The following CHCHD3 variants were observed in gnomAD, a reference collection of about 807,000 sequenced individuals.
CHCHD3 encodes MICOS complex subunit MIC19.
A neutral mutation model predicts 38.2 loss-of-function variants in CHCHD3; 20 were observed. The ratio of observed to expected loss-of-function variants is 0.52; its 90% CI spans 0.37 to 0.76. CHCHD3 has a LOEUF of 0.76. Ranked by LOEUF, CHCHD3 falls within the 30% of genes least tolerant of loss-of-function variation. The pLI is 0.00. For missense variants in CHCHD3, 245 were observed against 279.2 expected, an observed-to-expected ratio of 0.88 and a Z score of 0.87; for synonymous variants, 82 against 100.0, an observed-to-expected ratio of 0.82 and a Z score of 1.07.
At chr7:133,048,779 G>A (rs564882051) in intron 2 of CHCHD3, among the ~76,000 whole-genome samples, 43 of 152,232 alleles carry the variant, frequency 2.8e-4, no homozygotes, top group African/African-American at 7.9e-4. Flanking sequence ...CAAGCGGGCC[G>A]CAAAAGATAT....
At chr7:132,990,011 A>G (rs1812230115) in intron 3 of CHCHD3, among the ~76,000 whole-genome samples, 1 of 152,080 alleles carries the variant, frequency 6.6e-6, no homozygotes, top group South Asian at 2.1e-4. Context: ...CAACTCTACT[A>G]AAAATACAAA....
At chr7:132,795,860 A>G (rs1390601642) in intron 7 of CHCHD3, among the ~76,000 whole-genome samples, 1 of 152,230 alleles carries the variant, frequency 6.6e-6, no homozygotes, top group Non-Finnish European at 1.5e-5. Context: ...TCCTGTGAAC[A>G]TCATATTGTT....
intron 6 of CHCHD3, among the ~76,000 whole-genome samples, chr7:132,836,054 C>T (rs763428606): frequency 2.0e-5 from 3 of 152,054 alleles, no homozygotes; most frequent in Admixed American, 6.5e-5. Context: ...TTAAGCCACC[C>T]GGTCTGTGGT....
At chr7:133,050,290 C>T (rs1814116786) in intron 2 of CHCHD3, among the ~76,000 whole-genome samples, 1 of 134,352 alleles carries the variant, frequency 7.4e-6, no homozygotes, top group Non-Finnish European at 1.5e-5. Flanking sequence ...TTGCAGTGAG[C>T]CAAGATCTTG....
rs531782152 is a variant in CHCHD3, at chr7:132,885,022, G to A, written c.453+640C>T. ...ATCCTAGCACTTTGGGAGGCTGAGGGAGGCAGATGACTTGAGGCCAGGAGC... is the reference window on the plus strand; with the variant it reads ...ATCCTAGCACTTTGGGAGGCTGAGGAAGGCAGATGACTTGAGGCCAGGAGC... On this transcript the variant is annotated intron_variant, in intron 5 of 7. Transcript: ENST00000262570. 1.6e-3 allele frequency among the ~76,000 whole-genome samples: 246 copies of A among 152,240 alleles called. 1 individual carries two copies. Among genetic ancestry groups the A allele is most frequent in the African/African-American group, 5.6e-3 (233 of 41,550 alleles).
intron 3 of CHCHD3, among the ~76,000 whole-genome samples, chr7:133,015,336 A>G (rs1812998983): frequency 7.3e-6 from 1 of 137,170 alleles, no homozygotes; most frequent in Admixed American, 8.1e-5. Context: ...GAGCCAGACA[A>G]CGTCTCAAAA....
At position 133,081,860 on chromosome 7, in the gene CHCHD3, G is replaced by T. The variant is rs1228992196; in HGVS notation, c.78C>A (p.Ile26=). Residue 26 remains isoleucine (I), a synonymous_variant, in exon 1 of 8, where the codon ATC becomes ATA. Coordinates refer to ENST00000262570, the MANE Select transcript of CHCHD3 (RefSeq NM_017812.4). ...CCGCCCGTCCACGGGCACTCACCCGGATGCCCTTCACCACGGTGATGTTCT... is the reference window on the plus strand; with the variant it reads ...CCGCCCGTCCACGGGCACTCACCCGTATGCCCTTCACCACGGTGATGTTCT... ...ENENITVVKG[I]RLSENVIDRM... The T allele has an allele frequency of 1.3e-6, 2 of 1,553,506 alleles. No homozygotes were observed. Among genetic ancestry groups the T allele is most frequent in the East Asian group, 2.4e-5 (1 of 41,052 alleles).
intron 7 of CHCHD3, among the ~76,000 whole-genome samples, chr7:132,791,562 G>A (rs1806460073): frequency 6.6e-6 from 1 of 152,132 alleles, no homozygotes; most frequent in Non-Finnish European, 1.5e-5. Context: ...TGATTTTTAA[G>A]CAAAAGCTAC....
chr7:132,977,041 A>C (rs1811784861), intron 3 of CHCHD3, among the ~76,000 whole-genome samples: 1 of 152,240 alleles, frequency 6.6e-6, no homozygotes, highest in Non-Finnish European at 1.5e-5. Context: ...AATGACACTC[A>C]TACAAACCAA....
chr7:132,916,948 T>C (rs1179534818), intron 4 of CHCHD3, among the ~76,000 whole-genome samples: 1 of 152,172 alleles, frequency 6.6e-6, no homozygotes, highest in African/African-American at 2.4e-5. Context: ...GTTATACATA[T>C]AGGGTTTGGT....
intron 6 of CHCHD3, among the ~76,000 whole-genome samples, chr7:132,808,775 T>A (rs1806994358): frequency 6.6e-6 from 1 of 151,804 alleles, no homozygotes; most frequent in Non-Finnish European, 1.5e-5. Context: ...AGGGTACATG[T>A]GCACATTGTG....
chr7:133,000,345 G>T (rs1202424240), intron 3 of CHCHD3, among the ~76,000 whole-genome samples: 1 of 152,152 alleles, frequency 6.6e-6, no homozygotes, highest in Non-Finnish European at 1.5e-5. Flanking sequence ...TCTCAAGTAT[G>T]AGTAACTGAG....
chr7:132,867,461 G>C (rs1808662106), intron 5 of CHCHD3, among the ~76,000 whole-genome samples: 1 of 152,154 alleles, frequency 6.6e-6, no homozygotes, highest in Non-Finnish European at 1.5e-5. Flanking sequence ...TTAGAGAATA[G>C]TTATTCTTGA....
intron 4 of CHCHD3, among the ~76,000 whole-genome samples, chr7:132,901,263 G>T (rs547431833): frequency 6.6e-6 from 1 of 152,314 alleles, no homozygotes; most frequent in Admixed American, 6.5e-5. Flanking sequence ...ATGATAACCT[G>T]AGGCCTAAAC....
At position 133,011,873 on chromosome 7, in the gene CHCHD3, G is replaced by A. The variant is rs59488442; in HGVS notation, c.251+12673C>T. On this transcript the variant is annotated intron_variant, in intron 3 of 7. Coordinates refer to ENST00000262570, the MANE Select transcript of CHCHD3 (RefSeq NM_017812.4). ...TTACAGTTAATATTCTTTCTGTTACGAAGAAACACTGACATTTACTTATTT... is the reference window on the plus strand; with the variant it reads ...TTACAGTTAATATTCTTTCTGTTACAAAGAAACACTGACATTTACTTATTT... 7.0e-3 allele frequency among the ~76,000 whole-genome samples: 1,058 copies of A among 152,196 alleles called. 14 individuals carry two copies. The highest frequency in any genetic ancestry group is 0.024 in the African/African-American group (995 of 41,510).
chr7:133,000,658 T>G (rs1812546572), intron 3 of CHCHD3, among the ~76,000 whole-genome samples: 1 of 152,220 alleles, frequency 6.6e-6, no homozygotes, highest in African/African-American at 2.4e-5. Flanking sequence ...TAATGCAGAC[T>G]ACATCTAGAA....
intron 4 of CHCHD3, among the ~76,000 whole-genome samples, chr7:132,904,776 A>G (rs1809755376): frequency 6.6e-6 from 1 of 152,212 alleles, no homozygotes; most frequent in African/African-American, 2.4e-5. Context: ...ATCCTACTAT[A>G]AAGACACATG....
chr7:132,929,408 C>A (rs959551196), intron 4 of CHCHD3, among the ~76,000 whole-genome samples: 1 of 152,132 alleles, frequency 6.6e-6, no homozygotes. Flanking sequence ...TCTCAGCCTG[C>A]TGCTTACAGG....
At chr7:132,825,435 C>G (rs532386586) in intron 6 of CHCHD3, among the ~76,000 whole-genome samples, 1 of 152,188 alleles carries the variant, frequency 6.6e-6, no homozygotes, top group Non-Finnish European at 1.5e-5. Flanking sequence ...CTAACCAAAC[C>G]AAAACCACAA....
Sources: allele counts gnomAD v4.1 joint callset (sites outside exome capture counted in the v4.1 genomes callset), GRCh38; gene constraint gnomAD v4.1.1; transcripts MANE v1.5; gene names NCBI Gene and HGNC (gene_info 2026-07-23, HGNC 2026-07-21).